Variants in PUDP observed in about 807,000 individuals in gnomAD.
PUDP encodes pseudouridine-5'-phosphatase.
A neutral mutation model predicts 9.4 loss-of-function variants in PUDP; 8 were observed. The observed-to-expected ratio is 0.85, with a 90% CI of 0.50 to 1.53. The LOEUF is 1.53. Ranked by LOEUF, PUDP falls within the 40% of genes most tolerant of loss-of-function variation. The pLI is 0.00. For synonymous variants in PUDP, 99 were observed against 80.7 expected (o/e 1.23, Z -1.22); for missense variants, 188 against 189.7 (o/e 0.99, Z 0.05).
intron 3 of PUDP, among the ~76,000 whole-genome samples, chrX:6,838,610 C>T (rs1296328803): frequency 1.8e-5 from 2 of 112,179 alleles, no homozygotes; most frequent in African/African-American, 6.5e-5. Flanking sequence ...AACTTATTGC[C>T]ACTCATTGGC....
At chrX:7,129,885 A>G (rs1484929193) in intron 1 of PUDP, among the ~76,000 whole-genome samples, 1 of 111,422 alleles carries the variant, frequency 9.0e-6, no homozygotes, top group Non-Finnish European at 1.9e-5. Context: ...TCTAACAAAA[A>G]TCGAAAGGGT....
At chrX:7,135,366 G>A (rs2146930501) in intron 1 of PUDP, among the ~76,000 whole-genome samples, 1 of 112,123 alleles carries the variant, frequency 8.9e-6, no homozygotes, top group East Asian at 2.8e-4. Context: ...ATCATGCCCT[G>A]ACAAACTATC....
chrX:6,750,949 C>T (rs1177398873), intron 3 of PUDP, among the ~76,000 whole-genome samples: 1 of 110,712 alleles, frequency 9.0e-6, no homozygotes, highest in Non-Finnish European at 1.9e-5. Context: ...ACCATCCTGG[C>T]TAACACGGTA....
At chrX:6,944,942 C>T (rs969051640) in intron 3 of PUDP, among the ~76,000 whole-genome samples, 4 of 111,735 alleles carry the variant, frequency 3.6e-5, no homozygotes, top group African/African-American at 6.5e-5. Flanking sequence ...ACTTTGAATC[C>T]ACCTATGACC....
chrX:6,984,394 C>T (rs767562507), intron 1 of PUDP, among the ~76,000 whole-genome samples: 1 of 111,522 alleles, frequency 9.0e-6, no homozygotes, highest in East Asian at 2.8e-4. Context: ...ATGAAATGGG[C>T]GAATTGGGTG....
intron 3 of PUDP, among the ~76,000 whole-genome samples, chrX:6,912,742 C>T (rs944294734): frequency 1.8e-5 from 2 of 112,007 alleles, no homozygotes; most frequent in Non-Finnish European, 3.8e-5. Flanking sequence ...TGACTGGAAG[C>T]TTCTTACTAA....
In PUDP at chrX:6,850,985, A is replaced by C. The variant is rs778699863; in HGVS notation, c.*247+126148T>G. On this transcript the variant is annotated intron_variant and NMD_transcript_variant, in intron 3 of 3. Transcript: ENST00000655425. ...GAAAAATCCATTGAATATTTTGAAAAGTTCATTTTTAATCACATCTCCCAG... is the reference window on the plus strand; with the variant it reads ...GAAAAATCCATTGAATATTTTGAAACGTTCATTTTTAATCACATCTCCCAG... Among the ~76,000 whole-genome samples, 11 of 112,259 alleles carry C rather than the reference A, an allele frequency of 9.8e-5. No individual in the cohort carries two copies. The East Asian group carries it at 3.1e-3, about 31-fold the overall frequency.
intron 3 of PUDP, among the ~76,000 whole-genome samples, chrX:7,057,101 A>G (rs1051643481): frequency 2.7e-5 from 3 of 112,646 alleles, no homozygotes; most frequent in Non-Finnish European, 5.6e-5. Context: ...GAAGCGCAGC[A>G]GCGACCTGGG....
chrX:7,084,473 T>C (rs1210865394), intron 2 of PUDP, among the ~76,000 whole-genome samples: 5 of 111,508 alleles, frequency 4.5e-5, no homozygotes, highest in Admixed American at 1.9e-4. Context: ...AGATACATAG[T>C]GGGAAGGTGA....
At chrX:6,889,250 A>T (rs1927477283) in intron 3 of PUDP, among the ~76,000 whole-genome samples, 1 of 111,555 alleles carries the variant, frequency 9.0e-6, no homozygotes, top group Non-Finnish European at 1.9e-5. Context: ...GTGTGCCCTT[A>T]GTTCTTGCAT....
chrX:6,781,164 CAAT>C (rs766497383), intron 3 of PUDP, among the ~76,000 whole-genome samples: 2 of 111,867 alleles, frequency 1.8e-5, no homozygotes, highest in South Asian at 3.8e-4. Flanking sequence ...CACACAACAA[CAAT>C]AACAACAGCA....
chrX:6,880,309 C>T (rs753534285), intron 3 of PUDP, among the ~76,000 whole-genome samples: 2 of 110,713 alleles, frequency 1.8e-5, no homozygotes, highest in Non-Finnish European at 3.8e-5. Context: ...TGTGACTTTG[C>T]GTCCTCATAG....
intron 2 of PUDP, among the ~76,000 whole-genome samples, chrX:7,081,571 T>C (rs188475938): frequency 9.4e-4 from 106 of 112,869 alleles, no homozygotes; most frequent in African/African-American, 3.2e-3. Flanking sequence ...TCAACATTCT[T>C]ATTGATGGAG....
At chrX:7,012,184 C>G (rs1929486133) in intron 1 of PUDP, among the ~76,000 whole-genome samples, 1 of 111,714 alleles carries the variant, frequency 9.0e-6, no homozygotes, top group Admixed American at 9.5e-5. Context: ...TCTTGGTTTC[C>G]TTTGTGAGAA....
intron 3 of PUDP, among the ~76,000 whole-genome samples, chrX:6,812,981 C>A (rs1926168507): frequency 9.0e-6 from 1 of 110,824 alleles, no homozygotes; most frequent in South Asian, 3.8e-4. Context: ...GTGATCCCAG[C>A]ACTTCAGGAG....
chrX:6,903,319 T>C (rs1927718075), intron 3 of PUDP, among the ~76,000 whole-genome samples: 1 of 111,806 alleles, frequency 8.9e-6, no homozygotes, highest in African/African-American at 3.3e-5. Flanking sequence ...TACTCTTTTT[T>C]CACTGAATCA....
chrX:6,885,494 T>G (rs1927409082), intron 3 of PUDP, among the ~76,000 whole-genome samples: 1 of 111,743 alleles, frequency 8.9e-6, no homozygotes, highest in African/African-American at 3.3e-5. Context: ...CTCAACAAGG[T>G]TCCTCTCCTC....
intron 3 of PUDP, among the ~76,000 whole-genome samples, chrX:6,820,101 C>G (rs776147312): frequency 8.1e-4 from 88 of 108,944 alleles, no homozygotes; most frequent in African/African-American, 2.6e-3. Flanking sequence ...GCAAAAGGCA[C>G]TTCTTGCATG....
At chrX:6,968,231 C>T (rs1306823560) in intron 3 of PUDP, among the ~76,000 whole-genome samples, 3 of 112,342 alleles carry the variant, frequency 2.7e-5, no homozygotes, top group Non-Finnish European at 5.6e-5. Flanking sequence ...CACTTGCACA[C>T]AGGCACATAC....
Sources: gnomAD v4.1 joint callset for allele counts (sites outside exome capture counted in the v4.1 genomes callset) on GRCh38, gnomAD v4.1.1 for gene constraint, MANE v1.5 for transcripts, NCBI Gene and HGNC (gene_info 2026-07-23, HGNC 2026-07-21) for gene names.